Variants in WIPF3 observed in about 807,000 individuals in gnomAD.
The protein encoded by WIPF3 is WAS/WASL interacting protein family member 3.
WIPF3 carries 33 observed loss-of-function variants against 38.9 expected under a neutral mutation model. That is an observed-to-expected ratio of 0.85 (90% CI 0.64 to 1.14). WIPF3 has a LOEUF of 1.14. WIPF3 is among the 50% of genes most tolerant of loss of function. The pLI, the probability that WIPF3 is intolerant of heterozygous loss-of-function variation, is 0.00. For missense variants in WIPF3, 711 were observed against 652.5 expected, an observed-to-expected ratio of 1.09 and a Z score of -0.98; for synonymous variants, 324 against 269.3, an observed-to-expected ratio of 1.20 and a Z score of -1.99.
At chr7:29,904,215 A>G (rs1583629727) in intron 7 of WIPF3, 71 bp from the exon 8 acceptor site, 1 of 1,481,116 alleles carries the variant, frequency 6.8e-7, no homozygotes. Context: ...ATTTAGAGAA[A>G]GTTTCTCTGT....
intron 7 of WIPF3, among the ~76,000 whole-genome samples, chr7:29,899,000 C>T (rs1786217563): frequency 2.0e-5 from 3 of 152,112 alleles, no homozygotes; most frequent in South Asian, 4.1e-4. Flanking sequence ...TCTCATGGTT[C>T]TGGAGGCTGA....
intron 8 of WIPF3, chr7:29,906,153 A>G (rs1162917883): frequency 6.6e-6 from 1 of 152,154 alleles, no homozygotes; most frequent in Non-Finnish European, 1.5e-5. Context: ...TCATACAAAG[A>G]AACAGGAGAG....
At chr7:29,860,235 C>G (rs1242821592) in intron 2 of WIPF3, among the ~76,000 whole-genome samples, 1 of 152,222 alleles carries the variant, frequency 6.6e-6, no homozygotes, top group Non-Finnish European at 1.5e-5. Flanking sequence ...AAACTTCCCA[C>G]TTCCACCTAT....
In WIPF3 at chr7:29,903,271, G is replaced by A. The variant is rs575332498; in HGVS notation, c.1352-1015G>A. Among the ~76,000 whole-genome samples, 4 of 152,210 alleles carry A rather than the reference G, an allele frequency of 2.6e-5. No homozygotes were observed. The East Asian group carries it at 7.7e-4, about 29-fold the overall frequency. ...ATCATATCACTGCATTCCAGCCTGGGAGACAGAGGGAGACCTTGTCTAAAA... is the reference window on the plus strand; with the variant it reads ...ATCATATCACTGCATTCCAGCCTGGAAGACAGAGGGAGACCTTGTCTAAAA... On this transcript the variant is annotated intron_variant, in intron 7 of 8. Coordinates refer to ENST00000242140, the MANE Select transcript of WIPF3 (RefSeq NM_001080529.3).
intron 2 of WIPF3, among the ~76,000 whole-genome samples, chr7:29,838,566 A>G (rs879401344): frequency 1.1e-4 from 17 of 152,306 alleles, no homozygotes; most frequent in Non-Finnish European, 2.4e-4. Flanking sequence ...CATTAAAATC[A>G]TATCAGAATT....
intron 1 of WIPF3, among the ~76,000 whole-genome samples, chr7:29,818,592 T>C (rs1419758422): frequency 2.7e-5 from 4 of 150,098 alleles, no homozygotes; most frequent in Non-Finnish European, 5.9e-5. Flanking sequence ...AAGATAATTT[T>C]TCCGTGGAGT....
rs1784776837 is a variant in WIPF3 at position 29,834,922 on chromosome 7, G to T, written c.90+108G>T. 2.2e-6 allele frequency: 3 copies of T among 1,346,604 alleles called. No homozygotes were observed. In the South Asian group the frequency reaches 4.1e-5, roughly 18 times the overall value. The allele number at this position is 1,346,604 out of a possible 1,614,324, so 83.4% of individuals were successfully genotyped here. A position where few individuals can be genotyped will look rare whatever the true frequency, so the allele number is the denominator to read the frequency against. ...AGTAGCACTGCCTAGCTTCCCTGTGGCAGGTGGCATCTTAGGTGGCTGGAT... is the reference window on the plus strand; with the variant it reads ...AGTAGCACTGCCTAGCTTCCCTGTGTCAGGTGGCATCTTAGGTGGCTGGAT... On this transcript the variant is annotated intron_variant, in intron 2 of 8. Coordinates refer to ENST00000242140, the MANE Select transcript of WIPF3 (RefSeq NM_001080529.3).
At chr7:29,891,598 G>A (rs1218570867) in intron 7 of WIPF3, among the ~76,000 whole-genome samples, 1 of 152,152 alleles carries the variant, frequency 6.6e-6, no homozygotes, top group Non-Finnish European at 1.5e-5. Flanking sequence ...CAGCAATGGG[G>A]GAAGACAGGT....
chr7:29,888,243 T>C, intron 6 of WIPF3, 26 bp downstream of exon 6: 1 of 1,587,032 alleles, frequency 6.3e-7, no homozygotes, highest in Admixed American at 1.8e-5. Flanking sequence ...CCTCTGCCGG[T>C]TTGGCTGCCA....
In WIPF3 at chr7:29,901,789, G is replaced by A. The variant is rs10277936; in HGVS notation, c.1352-2497G>A. Reference sequence around the variant, plus strand: ...GGAGACAGAGGTTGCAGTAAGCTGAGATCATGCCACTGCGCTCCAGAGCAA... The same window carrying A: ...GGAGACAGAGGTTGCAGTAAGCTGAAATCATGCCACTGCGCTCCAGAGCAA... On this transcript the variant is annotated intron_variant, in intron 7 of 8. Coordinates refer to ENST00000242140, the MANE Select transcript of WIPF3 (RefSeq NM_001080529.3). Among the ~76,000 whole-genome samples the A allele has an allele frequency of 1.3e-3, 164 of 126,296 alleles. 3 individuals carry two copies. The highest frequency in any genetic ancestry group is 7.9e-3 in the South Asian group (32 of 4,040). The allele number at this position is 126,296 out of a possible 152,430, so 82.9% of individuals were successfully genotyped here.
At chr7:29,866,132 C>T (rs1344536800) in intron 2 of WIPF3, among the ~76,000 whole-genome samples, 29 of 152,156 alleles carry the variant, frequency 1.9e-4, no homozygotes, top group Admixed American at 1.9e-3. Context: ...GCACTCCAGC[C>T]TGCGCGACAG....
intron 1 of WIPF3, among the ~76,000 whole-genome samples, chr7:29,816,990 C>A (rs1217890865): frequency 1.3e-5 from 2 of 152,170 alleles, no homozygotes; most frequent in African/African-American, 4.8e-5. Flanking sequence ...CAATAATTGT[C>A]TGATTCCCTG....
chr7:29,909,712 AT>A (rs1786467503), intron 8 of WIPF3, among the ~76,000 whole-genome samples: 1 of 152,078 alleles, frequency 6.6e-6, no homozygotes, highest in Admixed American at 6.6e-5. Context: ...CCTAGACAAC[AT>A]AGCGAACCCT....
intron 7 of WIPF3, among the ~76,000 whole-genome samples, chr7:29,899,197 CT>C (rs539968483): frequency 1.9e-3 from 285 of 152,282 alleles, no homozygotes; most frequent in Non-Finnish European, 3.4e-3. Flanking sequence ...ACCTAACGAC[CT>C]GCCAAAAGCC....
rs527611580 is a variant in WIPF3, at chr7:29,822,719, A to C, written c.-57-11949A>C. ...CGTGTCAGATCATCCTGAGCAATGA[A>C]CCGTCCTGTCTCATTCATTAAAGTG... On this transcript the variant is annotated intron_variant, in intron 1 of 8. Coordinates refer to ENST00000242140, the MANE Select transcript of WIPF3 (RefSeq NM_001080529.3). 3.0e-4 allele frequency among the ~76,000 whole-genome samples: 46 copies of C among 152,308 alleles called. No individual in the cohort carries two copies. In the South Asian group the frequency reaches 9.3e-3, roughly 31 times the overall value.
chr7:29,837,228 C>T (rs747833039), intron 2 of WIPF3, among the ~76,000 whole-genome samples: 8 of 150,752 alleles, frequency 5.3e-5, no homozygotes, highest in Non-Finnish European at 1.2e-4. Flanking sequence ...TGGTGGTGGG[C>T]GCCTGTAGTC....
At chr7:29,839,442 C>T (rs1321890262) in intron 2 of WIPF3, among the ~76,000 whole-genome samples, 4 of 152,186 alleles carry the variant, frequency 2.6e-5, no homozygotes, top group Admixed American at 2.0e-4. Context: ...GAAAGTGTCT[C>T]TTTAAAATGG....
At chr7:29,855,820 T>A (rs938420104) in intron 2 of WIPF3, among the ~76,000 whole-genome samples, 3 of 152,244 alleles carry the variant, frequency 2.0e-5, no homozygotes, top group Non-Finnish European at 4.4e-5. Context: ...TATTATTTTG[T>A]CTCTGTTGCC....
chr7:29,819,957 G>A (rs1453461812), intron 1 of WIPF3, among the ~76,000 whole-genome samples: 1 of 151,750 alleles, frequency 6.6e-6, no homozygotes, highest in Non-Finnish European at 1.5e-5. Context: ...GCTAGTTTAG[G>A]GACACTTTAA....
Sources: gnomAD v4.1 joint callset for allele counts (sites outside exome capture counted in the v4.1 genomes callset) on GRCh38, gnomAD v4.1.1 for gene constraint, MANE v1.5 for transcripts, NCBI Gene and HGNC (gene_info 2026-07-23, HGNC 2026-07-21) for gene names.